The following CNTNAP2 variants were observed in gnomAD, a reference collection of about 807,000 sequenced individuals.
The protein encoded by CNTNAP2 is contactin-associated protein-like 2.
CNTNAP2 carries 98 observed loss-of-function variants against 155.2 expected under a neutral mutation model. The ratio of observed to expected loss-of-function variants is 0.63; its 90% CI spans 0.54 to 0.75. The LOEUF (loss-of-function observed/expected upper bound fraction) is 0.75, where lower values mean the gene tolerates loss of function less well. Ranked by LOEUF, CNTNAP2 falls within the 30% of genes least tolerant of loss-of-function variation. The pLI, the probability that CNTNAP2 is intolerant of heterozygous loss-of-function variation, is 0.00. For missense variants in CNTNAP2, 1,727 were observed against 1,688.1 expected (o/e 1.02, Z -0.40); for synonymous variants, 651 against 631.2 (o/e 1.03, Z -0.47).
At chr7:147,552,098 A>G (rs568218166) in intron 11 of CNTNAP2, among the ~76,000 whole-genome samples, 2 of 152,194 alleles carry the variant, frequency 1.3e-5, no homozygotes, top group African/African-American at 4.8e-5. Flanking sequence ...ACCAAGTCAC[A>G]AAAAGGAGTT....
intron 8 of CNTNAP2, among the ~76,000 whole-genome samples, chr7:147,182,216 T>C (rs1323674791): frequency 6.6e-6 from 1 of 152,000 alleles, no homozygotes; most frequent in African/African-American, 2.4e-5. Context: ...GCAAAGCCTG[T>C]TAACTCTAAT....
chr7:146,547,197 C>A (rs1798042170), intron 1 of CNTNAP2, among the ~76,000 whole-genome samples: 1 of 151,918 alleles, frequency 6.6e-6, no homozygotes, highest in African/African-American at 2.4e-5. Context: ...TCTTATAATT[C>A]TTTTCTTTTC....
chr7:147,441,026 C>A (rs1293935844), intron 10 of CNTNAP2, among the ~76,000 whole-genome samples: 2 of 151,990 alleles, frequency 1.3e-5, no homozygotes, highest in Non-Finnish European at 2.9e-5. Flanking sequence ...GGAAATTTTT[C>A]TTTTATTGTG....
chr7:147,279,316 T>C (rs1179275135), intron 8 of CNTNAP2, among the ~76,000 whole-genome samples: 1 of 151,804 alleles, frequency 6.6e-6, no homozygotes, highest in Non-Finnish European at 1.5e-5. Flanking sequence ...GATTATTCAT[T>C]CTTAAAGCTT....
At chr7:147,907,431 ATCT>A (rs1289315700) in intron 14 of CNTNAP2, among the ~76,000 whole-genome samples, 1 of 152,158 alleles carries the variant, frequency 6.6e-6, no homozygotes, top group Non-Finnish European at 1.5e-5. Flanking sequence ...TCTTGGAGAA[ATCT>A]TCTTGGTCTT....
At chr7:146,395,779 TGATAGATAGATAGATAGATA>T (rs1554427700) in intron 1 of CNTNAP2, among the ~76,000 whole-genome samples, 4 of 122,024 alleles carry the variant, frequency 3.3e-5, no homozygotes, top group Non-Finnish European at 5.1e-5. Flanking sequence ...GATAGACAGA[TGATAGATAGATAGATAGATA>T]GATAGATAGA....
chr7:146,684,639 C>CAAAAAAAAAAAAAAA lies in CNTNAP2; in HGVS notation c.98-89626_98-89612dup, dbSNP rs3080477. ...GCTTCGAGCAATAATAGATCCAGCG[C>CAAAAAAAAAAAAAAA]AAAAAAAAAAAAAAAAAAAAGCTGG... On this transcript the variant is annotated intron_variant, in intron 1 of 23. Coordinates refer to ENST00000361727, the MANE Select transcript of CNTNAP2 (RefSeq NM_014141.6). 2.5e-4 allele frequency among the ~76,000 whole-genome samples: 16 copies of CAAAAAAAAAAAAAAA among 63,512 alleles called. 1 individual carries two copies. Among genetic ancestry groups the CAAAAAAAAAAAAAAA allele is most frequent in the East Asian group, 6.0e-4 (1 of 1,674 alleles). 41.7% of individuals were successfully genotyped at this position (63,512 alleles called of 152,430 possible).
intron 13 of CNTNAP2, among the ~76,000 whole-genome samples, chr7:147,862,211 G>A (rs1584997020): frequency 6.6e-6 from 1 of 152,038 alleles, no homozygotes; most frequent in Non-Finnish European, 1.5e-5. Context: ...GTTATAAAAT[G>A]CCTGACACAT....
chr7:148,206,212 T>C (rs1437745390), intron 18 of CNTNAP2, among the ~76,000 whole-genome samples: 1 of 147,806 alleles, frequency 6.8e-6, no homozygotes, highest in Non-Finnish European at 1.5e-5. Flanking sequence ...ATATATATTA[T>C]AATATATTTA....
chr7:146,503,298 G>A lies in CNTNAP2; in HGVS notation c.98-270973G>A, dbSNP rs543265341. 4.4e-4 allele frequency among the ~76,000 whole-genome samples: 67 copies of A among 152,194 alleles called. 1 individual carries two copies. Among genetic ancestry groups the A allele is most frequent in the Admixed American group, 2.1e-3 (32 of 15,272 alleles). On this transcript the variant is annotated intron_variant, in intron 1 of 23. Coordinates refer to ENST00000361727, the MANE Select transcript of CNTNAP2 (RefSeq NM_014141.6). ...TGCCAAGATCAAACTTGTCCAACCCGCAGCCTATGGGCCACATGCAGCTCA... is the reference window on the plus strand; with the variant it reads ...TGCCAAGATCAAACTTGTCCAACCCACAGCCTATGGGCCACATGCAGCTCA...
At chr7:147,517,173 A>T (rs770109943) in intron 11 of CNTNAP2, among the ~76,000 whole-genome samples, 22 of 151,972 alleles carry the variant, frequency 1.4e-4, no homozygotes, top group Non-Finnish European at 1.8e-4. Flanking sequence ...CCCCACCAAG[A>T]TGTAATGAAT....
intron 1 of CNTNAP2, among the ~76,000 whole-genome samples, chr7:146,311,974 T>C (rs1290125424): frequency 3.3e-5 from 5 of 152,266 alleles, no homozygotes; most frequent in African/African-American, 9.6e-5. Flanking sequence ...AGTAAATTGA[T>C]CAAAGTCTGG....
intron 13 of CNTNAP2, among the ~76,000 whole-genome samples, chr7:147,781,874 T>C (rs1797666701): frequency 6.6e-6 from 1 of 151,880 alleles, no homozygotes; most frequent in Admixed American, 6.6e-5. Context: ...ATACAAAAAA[T>C]TAGCTGGGCG....
At chr7:147,108,904 A>G (rs1455208817) in intron 5 of CNTNAP2, among the ~76,000 whole-genome samples, 1 of 152,186 alleles carries the variant, frequency 6.6e-6, no homozygotes, top group Non-Finnish European at 1.5e-5. Flanking sequence ...GGAAGAGAAC[A>G]TGGAAGACCA....
intron 3 of CNTNAP2, among the ~76,000 whole-genome samples, chr7:146,976,893 G>C (rs895276602): frequency 6.6e-6 from 1 of 152,182 alleles, no homozygotes; most frequent in African/African-American, 2.4e-5. Flanking sequence ...AGGACTCCTG[G>C]AATGGGGGCC....
intron 3 of CNTNAP2, among the ~76,000 whole-genome samples, chr7:146,861,710 C>A (rs922474947): frequency 6.6e-6 from 1 of 152,122 alleles, no homozygotes; most frequent in Admixed American, 6.6e-5. Flanking sequence ...ATCCTACAGG[C>A]CTGATTTTCT....
chr7:146,536,279 A>G (rs1797867670), intron 1 of CNTNAP2, among the ~76,000 whole-genome samples: 2 of 152,116 alleles, frequency 1.3e-5, no homozygotes, highest in South Asian at 4.1e-4. Flanking sequence ...TAGAAGCAAT[A>G]TCTGCCACTA....
intron 8 of CNTNAP2, among the ~76,000 whole-genome samples, chr7:147,162,372 GAC>G (rs1333730543): frequency 1.3e-5 from 2 of 152,092 alleles, no homozygotes; most frequent in African/African-American, 2.4e-5. Context: ...ATTAAAAAAA[GAC>G]TGTTTTCATA....
At chr7:146,610,911 A>G (rs970059748) in intron 1 of CNTNAP2, among the ~76,000 whole-genome samples, 5 of 152,154 alleles carry the variant, frequency 3.3e-5, no homozygotes, top group Admixed American at 1.3e-4. Flanking sequence ...AGTCTCTTAT[A>G]TGCTTAAGAA....
Sources: gnomAD v4.1 joint callset for allele counts (sites outside exome capture counted in the v4.1 genomes callset) on GRCh38, gnomAD v4.1.1 for gene constraint, MANE v1.5 for transcripts, NCBI Gene and HGNC (gene_info 2026-07-23, HGNC 2026-07-21) for gene names.